The following MGA variants were observed in gnomAD, a reference collection of about 807,000 sequenced individuals.
The protein encoded by MGA is MAX gene-associated protein.
Under a neutral mutation model 261.1 loss-of-function variants are expected in MGA, and 40 were observed. That is an observed-to-expected ratio of 0.15 (90% CI 0.12 to 0.20). The LOEUF (loss-of-function observed/expected upper bound fraction) is 0.20. Ranked by LOEUF, MGA falls within the 10% of genes least tolerant of loss-of-function variation. The probability of loss-of-function intolerance (pLI) is 1.00; values close to 1 mark genes in which losing one functional copy is unlikely to be tolerated. For synonymous variants in MGA, 1,302 were observed against 1,290.6 expected (o/e 1.01, Z -0.19); for missense variants, 3,397 against 3,630.5 (o/e 0.94, Z 1.65).
chr15:41,749,062 G>C lies in MGA; in HGVS notation c.5504-49G>C. 4 of 1,564,576 alleles carry C rather than the reference G, an allele frequency of 2.6e-6. No individual in the cohort carries two copies. In the South Asian group the frequency reaches 4.9e-5, roughly 19 times the overall value. On this transcript the variant is annotated intron_variant, in intron 16 of 23. Transcript: ENST00000219905. ...AAGAAAAGCAAACATTGGAAGTCTT[G>C]ATATGGGCAGTCATGATTTAAAAAT...
At chr15:41,751,525 A>C (rs1209895920) in intron 17 of MGA, 1 of 152,118 alleles carries the variant, frequency 6.6e-6, no homozygotes, top group Non-Finnish European at 1.5e-5. Context: ...GGAGTTTGAG[A>C]CTAGTCTGGC....
In MGA at chr15:41,749,755, C is replaced by T. The variant is rs1026503388; in HGVS notation, c.6148C>T (p.His2050Tyr). 5.6e-6 allele frequency: 9 copies of T among 1,613,960 alleles called. No homozygotes were observed. The highest frequency in any genetic ancestry group is 7.6e-6 in the Non-Finnish European group (9 of 1,179,880). ...TTGTGCAACTGTCAAACCATCTGAG[C>T]ATTCCTGTATCACTGGGTCACATAC... The change falls in exon 17 of 24, where the codon CAT (histidine) becomes TAT (tyrosine). Residue 2050 changes from histidine to tyrosine, a missense_variant. Physicochemically the swap from His to Tyr is moderately conservative, Grantham distance 83. Coordinates refer to ENST00000219905, the MANE Select transcript of MGA (RefSeq NM_001164273.2).
At chr15:41,719,087 A>G (rs2060806775) in intron 9 of MGA, among the ~76,000 whole-genome samples, 1 of 152,230 alleles carries the variant, frequency 6.6e-6, no homozygotes, top group Admixed American at 6.5e-5. Context: ...GTTTGTACAT[A>G]TAAGCAATGA....
At chr15:41,717,068 G>A (rs776783182) in intron 9 of MGA, among the ~76,000 whole-genome samples, 19 of 152,178 alleles carry the variant, frequency 1.2e-4, no homozygotes, top group Non-Finnish European at 1.8e-4. Flanking sequence ...AGCTAATTGA[G>A]TGCTTAGTGA....
At chr15:41,684,952 A>G (rs76388273) in intron 2 of MGA, among the ~76,000 whole-genome samples, 2,215 of 152,314 alleles carry the variant, frequency 0.015, 25 homozygotes, top group Non-Finnish European at 0.023. Flanking sequence ...CTATACATTT[A>G]TTAAAAATTA....
chr15:41,664,849 G>T (rs533594700), intron 1 of MGA, among the ~76,000 whole-genome samples: 1 of 152,244 alleles, frequency 6.6e-6, no homozygotes, highest in East Asian at 1.9e-4. Context: ...TCGCCTAAGT[G>T]TGTTAGTTTT....
chr15:41,668,514 T>C (rs2057885089), intron 1 of MGA, among the ~76,000 whole-genome samples: 1 of 152,150 alleles, frequency 6.6e-6, no homozygotes, highest in African/African-American at 2.4e-5. Context: ...TTTTTAATTT[T>C]GTATACTTTT....
rs112308045 is a variant in MGA at position 41,678,766 on chromosome 15, CAA to C, written c.1064+8821_1064+8822del. ...TGGGCAGCAGAGCAAGACTCCATCTCAAAAAAAAAAAAAACCACAAAATGAAA... is the reference window on the plus strand; with the variant it reads ...TGGGCAGCAGAGCAAGACTCCATCTCAAAAAAAAAAAACCACAAAATGAAA... On this transcript the variant is annotated intron_variant, in intron 2 of 23. Coordinates refer to ENST00000219905, the MANE Select transcript of MGA (RefSeq NM_001164273.2). Among the ~76,000 whole-genome samples the C allele has an allele frequency of 7.8e-4, 110 of 140,254 alleles. No individual in the cohort carries two copies. The East Asian group carries it at 8.2e-3, about 10-fold the overall frequency. 92.0% of individuals were successfully genotyped at this position (140,254 alleles called of 152,430 possible).
At chr15:41,716,817 TTTA>T (rs996264679) in intron 9 of MGA, among the ~76,000 whole-genome samples, 3 of 152,176 alleles carry the variant, frequency 2.0e-5, no homozygotes, top group African/African-American at 7.2e-5. Context: ...TTTGTGTGTT[TTTA>T]TTATATAGTT....
At chr15:41,697,319 T>A (rs768856508) in intron 3 of MGA, among the ~76,000 whole-genome samples, 38 of 152,170 alleles carry the variant, frequency 2.5e-4, no homozygotes, top group Admixed American at 1.0e-3. Flanking sequence ...TTTTCATCAT[T>A]ATGGATTTTG....
chr15:41,719,472 G>A lies in MGA; in HGVS notation c.3430+5976G>A, dbSNP rs577388078. Among the ~76,000 whole-genome samples, 124 of 152,306 alleles carry A rather than the reference G, an allele frequency of 8.1e-4. 1 individual carries two copies. Among genetic ancestry groups the A allele is most frequent in the African/African-American group, 2.8e-3 (118 of 41,580 alleles). On this transcript the variant is annotated intron_variant, in intron 9 of 23. Transcript: ENST00000219905. ...AAGAATGTACCTGGCCACACGTGGTGGCTCATGCCTGTAATCCCAGCACTT... is the reference window on the plus strand; with the variant it reads ...AAGAATGTACCTGGCCACACGTGGTAGCTCATGCCTGTAATCCCAGCACTT...
chr15:41,764,783 A>G, intron 22 of MGA, 103 bp from the exon 23 acceptor site: 1 of 1,162,696 alleles, frequency 8.6e-7, no homozygotes, highest in East Asian at 2.5e-5. Context: ...GGCTCAAGTG[A>G]TCTGCCTGCC....
In MGA at chr15:41,689,835, C is replaced by G. The variant is rs1474946183; in HGVS notation, c.1065-6240C>G. ...TCCACCTCAGCCTCAGCCACCACAC[C>G]TGGCCCATATTGTTTCATTTTCTAA... On this transcript the variant is annotated intron_variant, in intron 2 of 23. Coordinates refer to ENST00000219905, the MANE Select transcript of MGA (RefSeq NM_001164273.2). 3.9e-5 allele frequency among the ~76,000 whole-genome samples: 6 copies of G among 152,110 alleles called. 1 individual carries two copies. Among genetic ancestry groups the G allele is most frequent in the Non-Finnish European group, 8.8e-5 (6 of 68,022 alleles).
At chr15:41,655,178 CTTTTTTTT>C (rs35648576) in intron 1 of MGA, among the ~76,000 whole-genome samples, 1 of 129,650 alleles carries the variant, frequency 7.7e-6, no homozygotes, top group African/African-American at 2.9e-5. Context: ...TTTTAATTTA[CTTTTTTTT>C]TTTTTTTTTT....
intron 9 of MGA, chr15:41,718,301 G>GTGTGTA (rs1256381241): frequency 1.0e-5 from 2 of 193,548 alleles, no homozygotes; most frequent in East Asian, 8.3e-5. Flanking sequence ...GTGTGTGTGT[G>GTGTGTA]TATATATATA....
chr15:41,693,981 T>C (rs964554098), intron 2 of MGA, among the ~76,000 whole-genome samples: 3 of 152,154 alleles, frequency 2.0e-5, no homozygotes, highest in Admixed American at 2.0e-4. Context: ...GCAAGAAATC[T>C]AAGAAAATAT....
chr15:41,629,572 A>G (rs912324687), intron 1 of MGA, among the ~76,000 whole-genome samples: 2 of 152,060 alleles, frequency 1.3e-5, no homozygotes, highest in African/African-American at 4.8e-5. Flanking sequence ...CTATAAAGAA[A>G]AAAAAAAAAT....
intron 11 of MGA, among the ~76,000 whole-genome samples, chr15:41,730,073 T>C (rs1422143644): frequency 6.6e-6 from 1 of 152,046 alleles, no homozygotes. Context: ...TTTGTATTTT[T>C]AGCAGAGATG....
At chr15:41,740,849 C>T (rs560095855) in intron 14 of MGA, among the ~76,000 whole-genome samples, 26 of 152,206 alleles carry the variant, frequency 1.7e-4, no homozygotes, top group Admixed American at 1.7e-3. Context: ...TCTCTCTTTT[C>T]CTTAACATTT....
Sources: allele counts gnomAD v4.1 joint callset (sites outside exome capture counted in the v4.1 genomes callset), GRCh38; gene constraint gnomAD v4.1.1; transcripts MANE v1.5; gene names NCBI Gene and HGNC (gene_info 2026-07-23, HGNC 2026-07-21).